Variants in TRPM4 observed in about 807,000 individuals in gnomAD.
The protein encoded by TRPM4 is transient receptor potential cation channel subfamily M member 4.
In TRPM4, 124 loss-of-function variants were observed where a neutral mutation model predicts 135.6. That is an observed-to-expected ratio of 0.91 (90% CI 0.79 to 1.06). TRPM4 has a LOEUF of 1.06. Ranked by LOEUF, TRPM4 falls within the 50% of genes least tolerant of loss-of-function variation. TRPM4 has a pLI of 0.00. For missense variants in TRPM4, 1,658 were observed against 1,671.4 expected, an observed-to-expected ratio of 0.99 and a Z score of 0.14; for synonymous variants, 745 against 705.6, an observed-to-expected ratio of 1.06 and a Z score of -0.88.
At chr19:49,161,447 G>C (rs759054041) in intron 2 of TRPM4, among the ~76,000 whole-genome samples, 1 of 147,968 alleles carries the variant, frequency 6.8e-6, no homozygotes, top group Non-Finnish European at 1.5e-5. Flanking sequence ...ATGAGCCTCC[G>C]GAGTAGCTGG....
At position 49,171,814 on chromosome 19, in the gene TRPM4, A is replaced by AC; in HGVS notation, c.1050+46dup. ...ACTCTGGATCCTGAGATGGGAGGGA[A>AC]CTGGGGACTTGGGCTCCTGGGTCTG... On this transcript the variant is annotated intron_variant, in intron 8 of 24. Transcript: ENST00000252826. This position sits in a 1 kb window ranked among gnomAD's most constrained non-coding sequence, Gnocchi z 4.7. 1 of 1,586,466 alleles carries AC rather than the reference A, an allele frequency of 6.3e-7. No individual in the cohort carries two copies. The highest frequency in any genetic ancestry group is 8.6e-7 in the Non-Finnish European group (1 of 1,163,854).
At chr19:49,209,127 G>A (rs558054193) in intron 20 of TRPM4, among the ~76,000 whole-genome samples, 13 of 152,104 alleles carry the variant, frequency 8.5e-5, no homozygotes, top group African/African-American at 3.1e-4. Context: ...ATCCCATTTC[G>A]TTATGGTATA....
chr19:49,188,362 A>G (rs1421658887), intron 12 of TRPM4, among the ~76,000 whole-genome samples: 1 of 152,130 alleles, frequency 6.6e-6, no homozygotes, highest in Admixed American at 6.6e-5. Flanking sequence ...CACTTTACCC[A>G]GCCTCCAACT....
intron 19 of TRPM4, among the ~76,000 whole-genome samples, chr19:49,201,723 G>A (rs111437682): frequency 1.3e-5 from 2 of 152,138 alleles, no homozygotes; most frequent in Admixed American, 6.5e-5. Context: ...TCAGCCTCCC[G>A]AGTAGCTGGG....
chr19:49,160,615 G>A (rs548932846), intron 2 of TRPM4, among the ~76,000 whole-genome samples: 40 of 152,310 alleles, frequency 2.6e-4, no homozygotes, highest in Non-Finnish European at 4.9e-4. Flanking sequence ...ACTGTCATGA[G>A]AGAAGAGGCT....
At position 49,182,655 on chromosome 19, in the gene TRPM4, C is replaced by T. The variant is rs775707446; in HGVS notation, c.1341C>T (p.His447=). ...RPEFVRLLIS[H]GLSLGHFLTP... is the part of the protein sequence containing the mutation. ...AGTTCGTGCGCTTGCTCATTTCCCA[C>T]GGCCTCAGCCTGGGCCACTTCCTGA... Residue 447 remains histidine (H), a synonymous_variant, in exon 11 of 25, where the codon CAC becomes CAT. Coordinates refer to ENST00000252826, the MANE Select transcript of TRPM4 (RefSeq NM_017636.4). 2 of 1,614,226 alleles carry T rather than the reference C, an allele frequency of 1.2e-6. No individual in the cohort carries two copies. Among genetic ancestry groups the T allele is most frequent in the East Asian group, 4.5e-5 (2 of 44,888 alleles).
At chr19:49,181,214 C>T (rs1353057159) in intron 9 of TRPM4, 135 bp from the exon 10 acceptor site, 2 of 705,458 alleles carry the variant, frequency 2.8e-6, no homozygotes, top group Admixed American at 4.0e-5. Context: ...GCTTTAAGAC[C>T]CCCACACTCT....
At chr19:49,166,290 C>T (rs1487449453) in intron 3 of TRPM4, 75 bp downstream of exon 3, 17 of 1,462,902 alleles carry the variant, frequency 1.2e-5, no homozygotes, top group East Asian at 2.5e-5. Flanking sequence ...GGAGCCGGGA[C>T]GCCCGCCCTG....
At chr19:49,176,058 G>A (rs1265058627) in intron 9 of TRPM4, among the ~76,000 whole-genome samples, 1 of 151,344 alleles carries the variant, frequency 6.6e-6, no homozygotes, top group African/African-American at 2.4e-5. Flanking sequence ...TGAGTAGCTG[G>A]GATTACAGGT....
Position 49,210,776 on chromosome 19 carries a change from T to C in TRPM4, c.3395T>C (p.Phe1132Ser), listed in dbSNP as rs547203803. ...TGGGAATCGGTGCATAAGGAGAACTTTCTGCTGGCACGCGCTAGGGACAAG... is the reference window on the plus strand; with the variant it reads ...TGGGAATCGGTGCATAAGGAGAACTCTCTGCTGGCACGCGCTAGGGACAAG... ...LTWESVHKEN[F>S]LLARARDKRE... Residue 1132 changes from phenylalanine (F) to serine (S), a missense_variant, in exon 22 of 25, where the codon TTT (phenylalanine) becomes TCT (serine). Coordinates refer to ENST00000252826, the MANE Select transcript of TRPM4 (RefSeq NM_017636.4). The surrounding 1 kb of genome is among the most constrained non-coding windows in gnomAD (Gnocchi z 4.1). The C allele has an allele frequency of 6.2e-7, 1 of 1,614,064 alleles. No individual in the cohort carries two copies. The highest frequency in any genetic ancestry group is 1.1e-5 in the South Asian group (1 of 91,008).
chr19:49,201,717 C>T (rs988420833), intron 19 of TRPM4, among the ~76,000 whole-genome samples: 1 of 152,190 alleles, frequency 6.6e-6, no homozygotes, highest in Admixed American at 6.5e-5. Context: ...CCTATCTCAG[C>T]CTCCCGAGTA....
In TRPM4 at chr19:49,210,394, T is replaced by C. The variant is rs1969307485; in HGVS notation, c.3317T>C (p.Leu1106Pro). The C allele has an allele frequency of 9.9e-6, 16 of 1,613,422 alleles. No individual in the cohort carries two copies. The highest frequency in any genetic ancestry group is 1.3e-5 in the Non-Finnish European group (15 of 1,180,004). The change falls in exon 21 of 25, where the codon CTC becomes CCC. Residue 1106 changes from leucine (L) to proline (P), a missense_variant. Physicochemically the swap from Leu to Pro is moderately conservative, Grantham distance 98 (BLOSUM62 -3). Around this residue, in one of 3 missense-constraint regions of TRPM4, gnomAD observed 1,412 missense variants for 1,408.7 expected, o/e 1.00. Coordinates refer to ENST00000252826, the MANE Select transcript of TRPM4 (RefSeq NM_017636.4). This position sits in a 1 kb window ranked among gnomAD's most constrained non-coding sequence, Gnocchi z 4.1. ...PRSPQPSSPALEHFRVYLSKE... is the reference protein window; with the variant it reads ...PRSPQPSSPAPEHFRVYLSKE... ...AGCCCCCAGCCGTCCTCCCCGGCCCTCGAGCATTTCCGTAAGAACAGAGCT... is the reference window on the plus strand; with the variant it reads ...AGCCCCCAGCCGTCCTCCCCGGCCCCCGAGCATTTCCGTAAGAACAGAGCT...
At chr19:49,194,324 G>T (rs1968543155) in intron 16 of TRPM4, among the ~76,000 whole-genome samples, 1 of 152,098 alleles carries the variant, frequency 6.6e-6, no homozygotes, top group Admixed American at 6.6e-5. Context: ...GCGCGATCAT[G>T]GCTTACTGCA....
intron 9 of TRPM4, among the ~76,000 whole-genome samples, chr19:49,175,092 T>TTTTTTTTA (rs1967631898): frequency 1.6e-5 from 2 of 123,900 alleles, no homozygotes; most frequent in Admixed American, 8.2e-5. Context: ...TTTTTTTTTT[T>TTTTTTTTA]GAGACGGAGT....
At position 49,184,411 on chromosome 19, in the gene TRPM4, A is replaced by C. The variant is rs548712886; in HGVS notation, c.1743+1199A>C. 7.4e-5 allele frequency among the ~76,000 whole-genome samples: 9 copies of C among 121,464 alleles called. No individual in the cohort carries two copies. The East Asian group carries it at 2.2e-3, about 30-fold the overall frequency. 79.7% of individuals were successfully genotyped at this position (121,464 alleles called of 152,430 possible). On this transcript the variant is annotated intron_variant, in intron 12 of 24. Transcript: ENST00000252826. ...TTATATTTCAGTTATTGTGCTTTTTAGCTTCAGAGTTTCTATTTGGTTCAT... is the reference window on the plus strand; with the variant it reads ...TTATATTTCAGTTATTGTGCTTTTTCGCTTCAGAGTTTCTATTTGGTTCAT...
At chr19:49,193,752 T>C (rs1968502512) in intron 16 of TRPM4, among the ~76,000 whole-genome samples, 1 of 152,206 alleles carries the variant, frequency 6.6e-6, no homozygotes, top group Non-Finnish European at 1.5e-5. Flanking sequence ...AATACCATGA[T>C]GGTTTTCTCT....
intron 9 of TRPM4, among the ~76,000 whole-genome samples, chr19:49,179,928 A>T (rs1352056660): frequency 6.6e-6 from 1 of 152,138 alleles, no homozygotes; most frequent in Non-Finnish European, 1.5e-5. Flanking sequence ...TTACAGTGCT[A>T]TGAAGGGGGT....
rs747536688 is a variant in TRPM4 at position 49,196,737 on chromosome 19, C to CG, written c.2513dup (p.Ser839GlnfsTer120). On this transcript the variant is annotated frameshift_variant, in exon 17 of 25. Coordinates refer to ENST00000252826, the MANE Select transcript of TRPM4 (RefSeq NM_017636.4). LOFTEE classifies it high-confidence loss of function. ...AACTGCGCCAGGGCCTGAGCGGAGG[C>CG]GGGGGCAGCCTCGCCAGCGGGGGCC... 1.3e-6 allele frequency: 2 copies of CG among 1,550,030 alleles called. No individual in the cohort carries two copies. The highest frequency in any genetic ancestry group is 1.7e-6 in the Non-Finnish European group (2 of 1,154,300).
At chr19:49,209,743 CT>C (rs780991215) in intron 20 of TRPM4, among the ~76,000 whole-genome samples, 1,890 of 105,844 alleles carry the variant, frequency 0.018, 19 homozygotes, top group African/African-American at 0.057. Context: ...TCTAAACTGA[CT>C]TTTTTTTTTT....
Sources: allele counts gnomAD v4.1 joint callset (sites outside exome capture counted in the v4.1 genomes callset), GRCh38; gene constraint gnomAD v4.1.1; regional missense constraint gnomAD v4.1.1; non-coding constraint Gnocchi (gnomAD v3.1); transcripts MANE v1.5; gene names NCBI Gene and HGNC (gene_info 2026-07-23, HGNC 2026-07-21).